The following TG variants were observed in gnomAD, a reference collection of about 807,000 sequenced individuals.
TG encodes thyroglobulin, also known as thyroid hormones.
A neutral mutation model predicts 324.7 loss-of-function variants in TG; 270 were observed. The observed-to-expected ratio is 0.83, with a 90% confidence interval of 0.75 to 0.92. The LOEUF is 0.92. Ranked by LOEUF, TG falls within the 40% of genes least tolerant of loss-of-function variation. TG has a pLI of 0.00. For synonymous variants in TG, 1,401 were observed against 1,327.0 expected, an observed-to-expected ratio of 1.06 and a Z score of -1.21; for missense variants, 3,591 against 3,456.4, an observed-to-expected ratio of 1.04 and a Z score of -0.98.
intron 16 of TG, among the ~76,000 whole-genome samples, chr8:132,904,775 A>AG (rs1164878053): frequency 6.6e-6 from 1 of 152,208 alleles, no homozygotes; most frequent in Non-Finnish European, 1.5e-5. Context: ...GAAAAACCAC[A>AG]GGTGCAGATC....
At chr8:132,934,592 T>C (rs1823285066) in intron 24 of TG, among the ~76,000 whole-genome samples, 1 of 152,204 alleles carries the variant, frequency 6.6e-6, no homozygotes. Context: ...GAATGTCTTC[T>C]TTCTTTTTGC....
In TG at chr8:133,096,187, A is replaced by G. The variant is rs754004174; in HGVS notation, c.7405-19A>G. On this transcript the variant is annotated intron_variant, in intron 42 of 47. Coordinates refer to ENST00000220616, the MANE Select transcript of TG (RefSeq NM_003235.5). ...ACTGATTATTCCAGGACAACTGATT[A>G]TTGTTGCATCCAATGCAGCTCCTGG... The G allele has an allele frequency of 6.2e-6, 10 of 1,614,094 alleles. No individual in the cohort carries two copies. In the South Asian group the frequency reaches 8.8e-5, roughly 14 times the overall value.
chr8:133,055,568 G>A (rs1166531283), intron 41 of TG, among the ~76,000 whole-genome samples: 1 of 152,084 alleles, frequency 6.6e-6, no homozygotes, highest in African/African-American at 2.4e-5. Context: ...GCTCTTTTCT[G>A]CCCAAGCCTT....
chr8:133,122,531 A>G (rs1251299974), intron 45 of TG, among the ~76,000 whole-genome samples: 1 of 152,060 alleles, frequency 6.6e-6, no homozygotes, highest in Non-Finnish European at 1.5e-5. Flanking sequence ...CCTAAACCCT[A>G]TTGAGTGCCT....
intron 10 of TG, among the ~76,000 whole-genome samples, chr8:132,891,658 A>G (rs1215719985): frequency 6.6e-6 from 1 of 152,188 alleles, no homozygotes; most frequent in African/African-American, 2.4e-5. Flanking sequence ...AAAAGATCTT[A>G]TGTGCCCAGT....
At chr8:132,980,010 T>TA (rs1003736971) in intron 34 of TG, among the ~76,000 whole-genome samples, 4 of 152,186 alleles carry the variant, frequency 2.6e-5, no homozygotes, top group Admixed American at 6.5e-5. Flanking sequence ...GGGAAACACT[T>TA]ACTAATTAAG....
At chr8:133,109,305 T>C (rs919761558) in intron 43 of TG, among the ~76,000 whole-genome samples, 2 of 152,208 alleles carry the variant, frequency 1.3e-5, no homozygotes, top group Non-Finnish European at 2.9e-5. Context: ...TCAGAATCTG[T>C]ATTTTATCAA....
rs563223917 is a variant in TG at position 133,087,712 on chromosome 8, A to G, written c.7240-7332A>G. 18 of 152,318 alleles carry G rather than the reference A, an allele frequency of 1.2e-4. No individual in the cohort carries two copies. In the South Asian group the frequency reaches 3.7e-3, roughly 32 times the overall value. The allele number at this position is 152,318 out of a possible 1,614,324, so 9.4% of individuals were successfully genotyped here. A position where few individuals can be genotyped will look rare whatever the true frequency, so the allele number is the denominator to read the frequency against. On this transcript the variant is annotated intron_variant, in intron 41 of 47. Coordinates refer to ENST00000220616, the MANE Select transcript of TG (RefSeq NM_003235.5). ...AGCCAATAGAACTCCTCCATCATTCACTCACCTTGAATTGTTAGAAGGCTC... is the reference window on the plus strand; with the variant it reads ...AGCCAATAGAACTCCTCCATCATTCGCTCACCTTGAATTGTTAGAAGGCTC...
At chr8:132,883,883 T>C (rs1234380544) in intron 8 of TG, among the ~76,000 whole-genome samples, 1 of 152,202 alleles carries the variant, frequency 6.6e-6, no homozygotes, top group Non-Finnish European at 1.5e-5. Context: ...ATTGTCTCTG[T>C]TCTGGAGGTT....
intron 35 of TG, among the ~76,000 whole-genome samples, chr8:133,010,540 C>T (rs2130880512): frequency 6.6e-6 from 1 of 152,274 alleles, no homozygotes. Context: ...ATCACTGATG[C>T]CCCACTGAAC....
intron 38 of TG, among the ~76,000 whole-genome samples, chr8:133,018,426 C>T (rs572814605): frequency 7.2e-4 from 110 of 152,242 alleles, no homozygotes; most frequent in East Asian, 3.9e-4. Context: ...TGGCCAAGCT[C>T]AGCTTCCTGG....
chr8:132,950,797 G>A (rs972200192), intron 27 of TG, among the ~76,000 whole-genome samples: 4 of 152,180 alleles, frequency 2.6e-5, no homozygotes, highest in Non-Finnish European at 5.9e-5. Context: ...GATAAAAGGA[G>A]AGGATATAAC....
At chr8:133,049,931 A>G (rs149577973) in intron 41 of TG, 2 of 1,613,284 alleles carry the variant, frequency 1.2e-6, no homozygotes, top group Non-Finnish European at 1.7e-6. Context: ...CACATATTCC[A>G]GGGATGTAAC....
intron 41 of TG, among the ~76,000 whole-genome samples, chr8:133,065,263 G>C (rs1353790381): frequency 2.0e-5 from 3 of 152,176 alleles, no homozygotes; most frequent in African/African-American, 7.2e-5. Flanking sequence ...GGGTTGCTCA[G>C]AACAACCCCA....
chr8:133,077,728 G>GGT lies in TG; in HGVS notation c.7240-17311_7240-17310dup, dbSNP rs1362624761. Among the ~76,000 whole-genome samples, 14 of 118,056 alleles carry GGT rather than the reference G, an allele frequency of 1.2e-4. No homozygotes were observed. In the South Asian group the frequency reaches 3.7e-3, roughly 31 times the overall value. The allele number at this position is 118,056 out of a possible 152,430, so 77.4% of individuals were successfully genotyped here. A position where few individuals can be genotyped will look rare whatever the true frequency, so the allele number is the denominator to read the frequency against. On this transcript the variant is annotated intron_variant, in intron 41 of 47. Coordinates refer to ENST00000220616, the MANE Select transcript of TG (RefSeq NM_003235.5). ...GACATTTTGGATCAGGGCATTCTCT[G>GGT]GTGTGTATGTGTGTGTGTGTGTGTG...
At chr8:133,009,497 C>T (rs1361175410) in intron 35 of TG, among the ~76,000 whole-genome samples, 1 of 152,046 alleles carries the variant, frequency 6.6e-6, no homozygotes, top group East Asian at 1.9e-4. Context: ...TTGGCAACTT[C>T]TCTGGATGAA....
intron 26 of TG, among the ~76,000 whole-genome samples, chr8:132,944,242 C>T (rs1193447133): frequency 6.6e-6 from 1 of 152,096 alleles, no homozygotes; most frequent in Admixed American, 6.5e-5. Flanking sequence ...GTATTCCATC[C>T]CTGTCACCTC....
chr8:133,089,875 G>A (rs1166111444), intron 41 of TG: 1 of 152,182 alleles, frequency 6.6e-6, no homozygotes, highest in East Asian at 1.9e-4. Flanking sequence ...TCCTCCCATG[G>A]AAACCCACTC....
intron 41 of TG, among the ~76,000 whole-genome samples, chr8:133,085,737 T>C (rs1846433415): frequency 6.6e-6 from 1 of 152,228 alleles, no homozygotes; most frequent in South Asian, 2.1e-4. Context: ...ACTGAAGATA[T>C]GAAGAAGTAA....
Sources: allele counts gnomAD v4.1 joint callset (sites outside exome capture counted in the v4.1 genomes callset), GRCh38; gene constraint gnomAD v4.1.1; transcripts MANE v1.5; gene names NCBI Gene and HGNC (gene_info 2026-07-23, HGNC 2026-07-21).